Variants in GABBR2 observed in about 807,000 individuals in gnomAD.
GABBR2 encodes gamma-aminobutyric acid type B receptor subunit 2.
GABBR2 carries 23 observed loss-of-function variants against 105.6 expected under a neutral mutation model. That is an observed-to-expected ratio of 0.22 (90% CI 0.16 to 0.31). The LOEUF (loss-of-function observed/expected upper bound fraction) is 0.31. GABBR2 is among the 10% of genes least tolerant of loss of function. The pLI, the probability that GABBR2 is intolerant of heterozygous loss-of-function variation, is 1.00. For missense variants in GABBR2, 734 were observed against 1,245.5 expected, an observed-to-expected ratio of 0.59 and a Z score of 6.18; for synonymous variants, 478 against 499.7, an observed-to-expected ratio of 0.96 and a Z score of 0.58.
intron 1 of GABBR2, among the ~76,000 whole-genome samples, chr9:98,665,622 A>G (rs1028929654): frequency 7.9e-5 from 12 of 152,228 alleles, no homozygotes; most frequent in African/African-American, 2.4e-4. Context: ...GGACAATCAC[A>G]ACACAGACCC....
intron 5 of GABBR2, among the ~76,000 whole-genome samples, chr9:98,473,830 C>T (rs1826735887): frequency 1.3e-5 from 2 of 152,246 alleles, no homozygotes; most frequent in East Asian, 1.9e-4. Flanking sequence ...GTCAAATTAG[C>T]CAGTTTAGTA....
chr9:98,501,655 C>T (rs1187777070), intron 3 of GABBR2, among the ~76,000 whole-genome samples: 1 of 152,096 alleles, frequency 6.6e-6, no homozygotes, highest in African/African-American at 2.4e-5. Context: ...GGACCAAGAA[C>T]CCTTTAGGGA....
chr9:98,571,664 G>A (rs370164889), intron 2 of GABBR2, among the ~76,000 whole-genome samples: 77 of 152,296 alleles, frequency 5.1e-4, no homozygotes, highest in African/African-American at 1.9e-3. Context: ...TATAGTTGGA[G>A]AGCCACTGAC....
intron 4 of GABBR2, among the ~76,000 whole-genome samples, chr9:98,482,336 A>AG (rs919843582): frequency 5.3e-5 from 8 of 152,200 alleles, no homozygotes; most frequent in Admixed American, 2.6e-4. Context: ...TGGAAAGAAG[A>AG]GGGGAAAAAA....
intron 13 of GABBR2, among the ~76,000 whole-genome samples, chr9:98,314,748 G>A (rs1830688132): frequency 6.6e-6 from 1 of 152,066 alleles, no homozygotes; most frequent in Admixed American, 6.5e-5. Flanking sequence ...CCTTCCACAG[G>A]AGGGAAGATC....
intron 3 of GABBR2, among the ~76,000 whole-genome samples, chr9:98,515,763 G>C (rs1028965099): frequency 6.7e-6 from 1 of 148,210 alleles, no homozygotes; most frequent in African/African-American, 2.4e-5. Flanking sequence ...CGACACACCA[G>C]GATTGACTCT....
intron 3 of GABBR2, among the ~76,000 whole-genome samples, chr9:98,515,771 TC>T (rs869052252): frequency 6.8e-6 from 1 of 147,778 alleles, no homozygotes; most frequent in South Asian, 2.3e-4. Context: ...CAGGATTGAC[TC>T]TGGAGTGAAT....
At chr9:98,307,375 T>C (rs1174091115) in intron 14 of GABBR2, among the ~76,000 whole-genome samples, 1 of 151,958 alleles carries the variant, frequency 6.6e-6, no homozygotes, top group Non-Finnish European at 1.5e-5. Context: ...AATGGTGGTG[T>C]GGTGGGCAGG....
At chr9:98,413,750 T>C (rs1046028407) in intron 7 of GABBR2, among the ~76,000 whole-genome samples, 4 of 152,036 alleles carry the variant, frequency 2.6e-5, no homozygotes, top group African/African-American at 9.7e-5. Flanking sequence ...CCACAAAGCA[T>C]GTGGTGGCCT....
chr9:98,593,832 C>A (rs763348319), intron 1 of GABBR2, among the ~76,000 whole-genome samples: 9 of 152,174 alleles, frequency 5.9e-5, no homozygotes, highest in Non-Finnish European at 8.8e-5. Context: ...TGCCCATGCT[C>A]CCTCTGCAGC....
chr9:98,320,899 A>G (rs1830809323), intron 13 of GABBR2, among the ~76,000 whole-genome samples: 1 of 151,952 alleles, frequency 6.6e-6, no homozygotes, highest in African/African-American at 2.4e-5. Context: ...TAGTGGGTGC[A>G]GCACACCAGC....
intron 2 of GABBR2, among the ~76,000 whole-genome samples, chr9:98,561,777 G>C (rs1319733062): frequency 2.0e-5 from 3 of 152,156 alleles, no homozygotes; most frequent in South Asian, 2.1e-4. Context: ...CCAGCTACTG[G>C]GGAAGCTAAG....
In GABBR2 at chr9:98,290,634, G is replaced by A. The variant is rs528154834; in HGVS notation, c.2776C>T (p.Arg926Cys). ...SPCVSPTASP[R>C]HRHVPPSFRV... ...AAGGAGGGTGGCACATGTCTGTGGC[G>A]GGGGCTGGCGGTGGGGCTGACGCAG... The change falls in exon 19 of 19, where the codon CGC becomes TGC. Residue 926 changes from arginine to cysteine, a missense_variant. This residue lies in a region of GABBR2 where 134 missense variants were observed against 171.2 expected (regional missense o/e 0.78). Coordinates refer to ENST00000259455, the MANE Select transcript of GABBR2 (RefSeq NM_005458.8). 1.5e-5 allele frequency: 22 copies of A among 1,447,252 alleles called. No individual in the cohort carries two copies. The highest frequency in any genetic ancestry group is 6.4e-5 in the South Asian group (4 of 62,614). The allele number at this position is 1,447,252 out of a possible 1,614,324, so 89.7% of individuals were successfully genotyped here. A position where few individuals can be genotyped will look rare whatever the true frequency, so the allele number is the denominator to read the frequency against.
intron 8 of GABBR2, among the ~76,000 whole-genome samples, chr9:98,396,918 T>C (rs1832302561): frequency 6.6e-6 from 1 of 152,168 alleles, no homozygotes; most frequent in Non-Finnish European, 1.5e-5. Context: ...GGGGCAATGT[T>C]GGAGGCTCAC....
chr9:98,678,370 G>A (rs368820889), intron 1 of GABBR2, among the ~76,000 whole-genome samples: 32 of 152,314 alleles, frequency 2.1e-4, no homozygotes, highest in African/African-American at 7.7e-4. Context: ...TAGAAAGCAA[G>A]TCTAATTTCC....
intron 2 of GABBR2, among the ~76,000 whole-genome samples, chr9:98,546,571 T>C (rs527692342): frequency 3.0e-4 from 45 of 152,360 alleles, no homozygotes; most frequent in African/African-American, 1.1e-3. Flanking sequence ...TTTGATACTG[T>C]ATCACGCTTG....
intron 1 of GABBR2, among the ~76,000 whole-genome samples, chr9:98,616,552 A>C (rs1385944585): frequency 1.3e-5 from 2 of 152,102 alleles, no homozygotes; most frequent in East Asian, 3.9e-4. Context: ...TCAGGAGTTC[A>C]ATACCAGCCT....
chr9:98,522,301 T>A (rs557019874), intron 3 of GABBR2, among the ~76,000 whole-genome samples: 6 of 152,122 alleles, frequency 3.9e-5, no homozygotes, highest in Middle Eastern at 3.4e-3. Context: ...CTAAAAAAGA[T>A]ATCAGAACAA....
At position 98,640,938 on chromosome 9, in the gene GABBR2, C is replaced by G. The variant is rs1319755782; in HGVS notation, c.322-62866G>C. Reference sequence around the variant, plus strand: ...TCTGAAATTTCTGGAGCCTCAGTTTCCCCGTTTGCAAAATGGAGATAGTAA... The same window carrying G: ...TCTGAAATTTCTGGAGCCTCAGTTTGCCCGTTTGCAAAATGGAGATAGTAA... On this transcript the variant is annotated intron_variant, in intron 1 of 18. Coordinates refer to ENST00000259455, the MANE Select transcript of GABBR2 (RefSeq NM_005458.8). Among the ~76,000 whole-genome samples the G allele has an allele frequency of 5.3e-5, 8 of 152,240 alleles. No homozygotes were observed. The South Asian group carries it at 1.7e-3, about 32-fold the overall frequency.
Sources: allele counts gnomAD v4.1 joint callset (sites outside exome capture counted in the v4.1 genomes callset), GRCh38; gene constraint gnomAD v4.1.1; regional missense constraint gnomAD v4.1.1; transcripts MANE v1.5; gene names NCBI Gene and HGNC (gene_info 2026-07-23, HGNC 2026-07-21).